The following ARHGEF4 variants were observed in gnomAD, a reference collection of about 807,000 sequenced individuals.
The protein encoded by ARHGEF4 is Rho guanine nucleotide exchange factor 4.
A neutral mutation model predicts 162.0 loss-of-function variants in ARHGEF4; 119 were observed. The ratio of observed to expected loss-of-function variants is 0.73; its 90% CI spans 0.63 to 0.86. The LOEUF (loss-of-function observed/expected upper bound fraction) is 0.86. Ranked by LOEUF, ARHGEF4 falls within the 40% of genes least tolerant of loss-of-function variation. ARHGEF4 has a pLI of 0.00. For synonymous variants in ARHGEF4, 1,014 were observed against 979.9 expected, an observed-to-expected ratio of 1.03 and a Z score of -0.65; for missense variants, 2,488 against 2,456.0, an observed-to-expected ratio of 1.01 and a Z score of -0.28.
chr2:130,844,578 G>C (rs947912854), intron 1 of ARHGEF4, among the ~76,000 whole-genome samples: 51 of 152,056 alleles, frequency 3.4e-4, no homozygotes, highest in African/African-American at 1.2e-3. Flanking sequence ...GGTCTCCTTG[G>C]AGCACTCCTT....
chr2:131,012,959 A>G (rs1688558960), intron 4 of ARHGEF4, among the ~76,000 whole-genome samples: 1 of 152,238 alleles, frequency 6.6e-6, no homozygotes, highest in African/African-American at 2.4e-5. Context: ...TACACGTACA[A>G]AATGAGAGAT....
chr2:130,918,636 G>C (rs897444040), intron 2 of ARHGEF4, among the ~76,000 whole-genome samples: 2 of 152,192 alleles, frequency 1.3e-5, no homozygotes, highest in African/African-American at 4.8e-5. Flanking sequence ...TAAGGTGCTG[G>C]CAGAGCGCCT....
At chr2:131,008,768 G>C (rs963504285) in intron 4 of ARHGEF4, among the ~76,000 whole-genome samples, 1 of 151,898 alleles carries the variant, frequency 6.6e-6, no homozygotes, top group Non-Finnish European at 1.5e-5. Flanking sequence ...TCTACTAAAA[G>C]TAATATTTAC....
At chr2:131,025,857 A>G (rs1271563854) in intron 4 of ARHGEF4, among the ~76,000 whole-genome samples, 1 of 152,214 alleles carries the variant, frequency 6.6e-6, no homozygotes, top group African/African-American at 2.4e-5. Context: ...AGAGTCTTCA[A>G]AGTTCATATT....
At chr2:130,975,859 G>C (rs779478808) in intron 4 of ARHGEF4, among the ~76,000 whole-genome samples, 1 of 152,290 alleles carries the variant, frequency 6.6e-6, no homozygotes, top group Admixed American at 6.5e-5. Flanking sequence ...TGCTCTGGGC[G>C]GTCAGAGGCG....
chr2:131,045,705 G>T, intron 13 of ARHGEF4: 1 of 1,450,660 alleles, frequency 6.9e-7, no homozygotes, highest in African/African-American at 1.4e-5. Context: ...TGTTTCCCCA[G>T]GGTTCCTTCC....
At chr2:130,975,585 T>C (rs1467426786) in intron 4 of ARHGEF4, among the ~76,000 whole-genome samples, 7 of 152,170 alleles carry the variant, frequency 4.6e-5, no homozygotes, top group Non-Finnish European at 1.0e-4. Context: ...AAGTGACTCT[T>C]GTCCCCATTG....
intron 9 of ARHGEF4, 59 bp downstream of exon 9, chr2:131,041,521 G>C: frequency 6.5e-7 from 1 of 1,527,724 alleles, no homozygotes; most frequent in Non-Finnish European, 8.9e-7. Context: ...CAGTCAGCCA[G>C]TTTGAGCATT....
At chr2:131,043,258 G>C (rs548611435) in intron 10 of ARHGEF4, among the ~76,000 whole-genome samples, 194 bp from the exon 11 acceptor site, 7 of 152,274 alleles carry the variant, frequency 4.6e-5, no homozygotes, top group African/African-American at 1.7e-4. Flanking sequence ...GTGACAGGGG[G>C]CTCCTATTTT....
At chr2:130,954,359 C>T (rs1246772782) in intron 4 of ARHGEF4, among the ~76,000 whole-genome samples, 2 of 152,112 alleles carry the variant, frequency 1.3e-5, no homozygotes, top group African/African-American at 4.8e-5. Context: ...ACAATGAGAA[C>T]ACTTGGACAC....
intron 4 of ARHGEF4, among the ~76,000 whole-genome samples, chr2:130,987,565 C>T (rs1266745066): frequency 6.6e-6 from 1 of 152,108 alleles, no homozygotes; most frequent in African/African-American, 2.4e-5. Context: ...TTTTTCAATC[C>T]TCCCCATTAT....
chr2:130,909,656 TA>T (rs113498526), intron 1 of ARHGEF4, among the ~76,000 whole-genome samples: 13,137 of 145,248 alleles, frequency 0.09, 869 homozygotes, highest in African/African-American at 0.19. Context: ...AATAAAGTTG[TA>T]AAAAAAAAAA....
intron 1 of ARHGEF4, among the ~76,000 whole-genome samples, chr2:130,878,354 G>A (rs1441539127): frequency 6.6e-6 from 1 of 152,142 alleles, no homozygotes; most frequent in Non-Finnish European, 1.5e-5. Flanking sequence ...CAGAAGACAT[G>A]AGATTCCTGG....
At chr2:130,980,672 A>T (rs184550427) in intron 4 of ARHGEF4, among the ~76,000 whole-genome samples, 13 of 152,326 alleles carry the variant, frequency 8.5e-5, no homozygotes, top group Middle Eastern at 3.4e-3. Flanking sequence ...TCACCACTCA[A>T]ATCTGTAAAC....
intron 1 of ARHGEF4, among the ~76,000 whole-genome samples, chr2:130,896,041 T>C (rs1680138641): frequency 1.3e-5 from 2 of 152,126 alleles, no homozygotes; most frequent in South Asian, 4.1e-4. Context: ...TGGGGTTTAT[T>C]TATTTATTTA....
intron 6 of ARHGEF4, chr2:131,039,740 G>GT (rs1690613623): frequency 7.4e-7 from 1 of 1,348,142 alleles, no homozygotes; most frequent in African/African-American, 1.6e-5. Flanking sequence ...TGCAGCAAGC[G>GT]CTCCAGCCTC....
chr2:130,849,247 G>C lies in ARHGEF4; in HGVS notation c.39+12255G>C, dbSNP rs143536279. Among the ~76,000 whole-genome samples the C allele has an allele frequency of 3.5e-3, 529 of 152,344 alleles. 4 individuals are homozygous for C. Among genetic ancestry groups the C allele is most frequent in the Admixed American group, 9.7e-3 (148 of 15,306 alleles). ...AGTGATGAAAAAGCTGGGGAGCGTT[G>C]GGGCAAGAACACCGTTTTGTTGGGT... On this transcript the variant is annotated intron_variant, in intron 1 of 13. Transcript: ENST00000409359.
intron 4 of ARHGEF4, among the ~76,000 whole-genome samples, chr2:130,970,304 C>G (rs1346327699): frequency 6.6e-6 from 1 of 152,070 alleles, no homozygotes; most frequent in African/African-American, 2.4e-5. Flanking sequence ...AAAAGCCATT[C>G]TAGGTTGGGC....
chr2:130,849,345 T>G (rs1365186115), intron 1 of ARHGEF4, among the ~76,000 whole-genome samples: 1 of 152,194 alleles, frequency 6.6e-6, no homozygotes, highest in Non-Finnish European at 1.5e-5. Context: ...GGGAATTTTC[T>G]GTGCCCTATA....
Sources: gnomAD v4.1 joint callset for allele counts (sites outside exome capture counted in the v4.1 genomes callset) on GRCh38, gnomAD v4.1.1 for gene constraint, MANE v1.5 for transcripts, NCBI Gene and HGNC (gene_info 2026-07-23, HGNC 2026-07-21) for gene names.